Variants in FHIT observed in about 807,000 individuals in gnomAD.
FHIT encodes bis(5'-adenosyl)-triphosphatase.
A neutral mutation model predicts 17.9 loss-of-function variants in FHIT; 19 were observed. The ratio of observed to expected loss-of-function variants is 1.06; its 90% CI spans 0.74 to 1.56. The LOEUF (loss-of-function observed/expected upper bound fraction) is 1.56. Ranked by LOEUF, FHIT falls within the 40% of genes most tolerant of loss-of-function variation. The pLI is 0.00. For missense variants in FHIT, 248 were observed against 189.2 expected (o/e 1.31, Z -1.82); for synonymous variants, 81 against 69.7 (o/e 1.16, Z -0.81).
intron 3 of FHIT, among the ~76,000 whole-genome samples, chr3:60,872,912 A>C (rs1553755329): frequency 6.6e-6 from 1 of 152,148 alleles, no homozygotes; most frequent in East Asian, 1.9e-4. Context: ...GTTCATAGAC[A>C]AAGATGCTTA....
intron 8 of FHIT, among the ~76,000 whole-genome samples, chr3:59,850,416 C>T (rs1341449012): frequency 6.6e-6 from 1 of 152,142 alleles, no homozygotes; most frequent in East Asian, 1.9e-4. Context: ...TGTTTTCTGG[C>T]ACTGCCTCAT....
chr3:60,496,423 A>G (rs926827323), intron 5 of FHIT, among the ~76,000 whole-genome samples: 16 of 152,172 alleles, frequency 1.1e-4, no homozygotes, highest in African/African-American at 2.2e-4. Flanking sequence ...ATAATTGGAG[A>G]AATGAGAATT....
chr3:60,517,632 T>A (rs949649266), intron 5 of FHIT, among the ~76,000 whole-genome samples: 10 of 152,228 alleles, frequency 6.6e-5, no homozygotes, highest in Non-Finnish European at 1.2e-4. Context: ...AAGCATTTTA[T>A]ATGAAAATTA....
rs1345776519 is a variant in FHIT at position 60,931,657 on chromosome 3, TCC to T, written c.-110-109648_-110-109647del. 2.0e-5 allele frequency among the ~76,000 whole-genome samples: 3 copies of T among 152,292 alleles called. No individual in the cohort carries two copies. In the East Asian group the frequency reaches 5.8e-4, roughly 29 times the overall value. On this transcript the variant is annotated intron_variant, in intron 3 of 9. Transcript: ENST00000492590. The stretch of plus-strand genomic sequence containing the variant: ...ACTCCCCAGGGAGCACCTGTAAAAG[TCC>T]CTGATTTACAGAAGTATTTACTTTA...
intron 3 of FHIT, among the ~76,000 whole-genome samples, chr3:61,031,114 C>T (rs543453599): frequency 5.9e-5 from 9 of 152,270 alleles, no homozygotes; most frequent in Non-Finnish European, 1.2e-4. Context: ...CAAAAAATGA[C>T]TATAAGTAAA....
At chr3:60,030,815 G>T (rs988822709) in intron 5 of FHIT, among the ~76,000 whole-genome samples, 3 of 152,148 alleles carry the variant, frequency 2.0e-5, no homozygotes, top group African/African-American at 7.2e-5. Context: ...ACGAATGACT[G>T]TTGAATGAAT....
chr3:60,131,537 T>C (rs1334315411), intron 5 of FHIT, among the ~76,000 whole-genome samples: 2 of 152,156 alleles, frequency 1.3e-5, no homozygotes, highest in African/African-American at 4.8e-5. Context: ...CTATGCTCTG[T>C]GTCCTTTATA....
At chr3:59,895,080 T>A (rs1487963209) in intron 8 of FHIT, among the ~76,000 whole-genome samples, 2 of 152,216 alleles carry the variant, frequency 1.3e-5, no homozygotes, top group Non-Finnish European at 2.9e-5. Context: ...TTGTCACAAC[T>A]GGGTGGGAGG....
intron 2 of FHIT, among the ~76,000 whole-genome samples, chr3:61,136,680 T>A (rs2036925292): frequency 6.6e-6 from 1 of 152,226 alleles, no homozygotes; most frequent in Admixed American, 6.5e-5. Context: ...GGATACCAGA[T>A]CCTGAGTTCC....
At chr3:60,014,282 A>G (rs1700257094) in intron 5 of FHIT, 130 bp from the exon 6 acceptor site, 1 of 825,820 alleles carries the variant, frequency 1.2e-6, no homozygotes, top group Admixed American at 2.8e-5. Context: ...ATGAAGAAAC[A>G]GATATTTACC....
At chr3:59,861,507 A>G (rs1702403474) in intron 8 of FHIT, among the ~76,000 whole-genome samples, 1 of 152,302 alleles carries the variant, frequency 6.6e-6, no homozygotes, top group Admixed American at 6.5e-5. Flanking sequence ...GTTTGGAAAT[A>G]TTTTCTTAAA....
chr3:60,515,097 G>T (rs1301264783), intron 5 of FHIT, among the ~76,000 whole-genome samples: 1 of 152,076 alleles, frequency 6.6e-6, no homozygotes, highest in Non-Finnish European at 1.5e-5. Context: ...AGGCAGGCGC[G>T]GAGTGGTGCC....
chr3:60,135,049 G>A (rs1441606503), intron 5 of FHIT, among the ~76,000 whole-genome samples: 1 of 152,118 alleles, frequency 6.6e-6, no homozygotes, highest in African/African-American at 2.4e-5. Flanking sequence ...ATATCTAGCT[G>A]AGAATGGAGG....
intron 4 of FHIT, 97 bp downstream of exon 4, chr3:60,821,822 C>T (rs557089414): frequency 6.6e-6 from 1 of 152,166 alleles, no homozygotes; most frequent in African/African-American, 2.4e-5. Flanking sequence ...TTCTATTTTA[C>T]AAGTACATAG....
chr3:59,844,055 C>T (rs1182256893), intron 8 of FHIT, among the ~76,000 whole-genome samples: 1 of 152,106 alleles, frequency 6.6e-6, no homozygotes, highest in African/African-American at 2.4e-5. Flanking sequence ...TGTGACATGC[C>T]TGCTCATGCT....
At chr3:60,939,735 TA>T (rs1480375511) in intron 3 of FHIT, among the ~76,000 whole-genome samples, 5 of 152,138 alleles carry the variant, frequency 3.3e-5, no homozygotes, top group Non-Finnish European at 7.4e-5. Flanking sequence ...AAATAAGTTG[TA>T]AAAATTCCTT....
intron 3 of FHIT, among the ~76,000 whole-genome samples, chr3:60,928,422 C>A (rs961764562): frequency 5.3e-5 from 8 of 149,594 alleles, no homozygotes; most frequent in Non-Finnish European, 1.0e-4. Flanking sequence ...GTGGAGTATG[C>A]CTTGGGGTCC....
intron 8 of FHIT, among the ~76,000 whole-genome samples, chr3:59,849,410 C>T (rs189378525): frequency 1.3e-5 from 2 of 152,168 alleles, no homozygotes; most frequent in South Asian, 2.1e-4. Context: ...TTATTAAATG[C>T]ATATGAAAAA....
intron 3 of FHIT, among the ~76,000 whole-genome samples, chr3:60,878,889 T>C (rs543132791): frequency 8.1e-4 from 124 of 152,352 alleles, no homozygotes; most frequent in African/African-American, 2.8e-3. Context: ...CAGTCTATCA[T>C]TGTTGGATAT....
Sources: gnomAD v4.1 joint callset for allele counts (sites outside exome capture counted in the v4.1 genomes callset) on GRCh38, gnomAD v4.1.1 for gene constraint, MANE v1.5 for transcripts, NCBI Gene and HGNC (gene_info 2026-07-23, HGNC 2026-07-21) for gene names.